The following TMEFF2 variants were observed in gnomAD, a reference collection of about 807,000 sequenced individuals.
TMEFF2 encodes transmembrane protein with EGF like and two follistatin like domains 2.
A neutral mutation model predicts 53.8 loss-of-function variants in TMEFF2; 28 were observed. That is an observed-to-expected ratio of 0.52 (90% CI 0.39 to 0.71). The LOEUF (loss-of-function observed/expected upper bound fraction) is 0.71. TMEFF2 is among the 30% of genes least tolerant of loss of function. The pLI is 0.00. For missense variants in TMEFF2, 353 were observed against 455.2 expected (o/e 0.78, Z 2.04); for synonymous variants, 162 against 166.3 (o/e 0.97, Z 0.20).
In TMEFF2 at chr2:192,057,438, T is replaced by C. The variant is rs376577064; in HGVS notation, c.536+241A>G. Among the ~76,000 whole-genome samples, 28 of 152,224 alleles carry C rather than the reference T, an allele frequency of 1.8e-4. No homozygotes were observed. In the East Asian group the frequency reaches 5.0e-3, roughly 27 times the overall value. On this transcript the variant is annotated intron_variant, in intron 5 of 9. Transcript: ENST00000272771. ...CCTCTATATCCTAACATTGACAGTTTTGGGGGGCTTCAATGATATTTTAGT... is the reference window on the plus strand; with the variant it reads ...CCTCTATATCCTAACATTGACAGTTCTGGGGGGCTTCAATGATATTTTAGT...
intron 4 of TMEFF2, among the ~76,000 whole-genome samples, chr2:192,067,678 T>C (rs560618099): frequency 1.4e-4 from 22 of 151,960 alleles, no homozygotes; most frequent in African/African-American, 5.1e-4. Flanking sequence ...TTGGTTTTGA[T>C]AACTTAAAGG....
At chr2:192,106,952 G>A (rs145729995) in intron 4 of TMEFF2, among the ~76,000 whole-genome samples, 1 of 151,736 alleles carries the variant, frequency 6.6e-6, no homozygotes, top group African/African-American at 2.4e-5. Flanking sequence ...TATAGGTGGA[G>A]TCAAAGAGTT....
At chr2:192,089,311 G>T (rs1688735549) in intron 4 of TMEFF2, among the ~76,000 whole-genome samples, 1 of 150,134 alleles carries the variant, frequency 6.7e-6, no homozygotes, top group Non-Finnish European at 1.5e-5. Context: ...AGAAGAATTA[G>T]GTAAGCAGCC....
chr2:192,100,178 G>A (rs1689002411), intron 4 of TMEFF2, among the ~76,000 whole-genome samples: 1 of 152,092 alleles, frequency 6.6e-6, no homozygotes, highest in South Asian at 2.1e-4. Context: ...AGTGCCTACA[G>A]AGACTGGTTT....
intron 4 of TMEFF2, among the ~76,000 whole-genome samples, chr2:192,091,877 G>A (rs1688797369): frequency 6.6e-6 from 1 of 152,112 alleles, no homozygotes; most frequent in Non-Finnish European, 1.5e-5. Flanking sequence ...TGACACCTAG[G>A]TGCTGAAACC....
chr2:191,950,490 A>T, intron 9 of TMEFF2, 83 bp from the exon 10 acceptor site: 1 of 1,523,414 alleles, frequency 6.6e-7, no homozygotes, highest in Non-Finnish European at 9.1e-7. Context: ...AAAGATGTGG[A>T]TTAAGCAAAT....
At chr2:191,950,585 AGTTGT>A (rs1242270855) in intron 9 of TMEFF2, 178 bp from the exon 10 acceptor site, 1 of 917,402 alleles carries the variant, frequency 1.1e-6, no homozygotes. Context: ...TTTTCTGTGC[AGTTGT>A]CTTTAAATTT....
chr2:191,966,056 A>G (rs180848175), intron 7 of TMEFF2, among the ~76,000 whole-genome samples: 69 of 152,264 alleles, frequency 4.5e-4, no homozygotes, highest in African/African-American at 1.6e-3. Flanking sequence ...TGATGAATAC[A>G]TAGTTTTTAA....
chr2:191,998,192 TAAAC>T (rs1686269362), intron 7 of TMEFF2, 66 bp downstream of exon 7: 1 of 1,247,284 alleles, frequency 8.0e-7, no homozygotes, highest in African/African-American at 1.6e-5. Flanking sequence ...GAATAAGTAG[TAAAC>T]AACCATTTCC....
chr2:192,159,901 A>T (rs62180439), intron 4 of TMEFF2, among the ~76,000 whole-genome samples: 3 of 152,104 alleles, frequency 2.0e-5, no homozygotes, highest in Admixed American at 6.5e-5. Context: ...GTCTGAACCA[A>T]GAACTTGAAC....
chr2:191,955,547 T>TTTTTTTTTTTTTTTTTC (rs1692053227), intron 8 of TMEFF2, among the ~76,000 whole-genome samples: 1 of 145,386 alleles, frequency 6.9e-6, no homozygotes, highest in Non-Finnish European at 1.5e-5. Context: ...TTTTTTTTTT[T>TTTTTTTTTTTTTTTTTC]TAGAGATAGG....
At chr2:192,128,926 G>C (rs1689743931) in intron 4 of TMEFF2, among the ~76,000 whole-genome samples, 1 of 152,188 alleles carries the variant, frequency 6.6e-6, no homozygotes, top group Non-Finnish European at 1.5e-5. Flanking sequence ...ACTCTCCAGT[G>C]TGTGGCACAT....
intron 4 of TMEFF2, among the ~76,000 whole-genome samples, chr2:192,132,874 C>T (rs1689889034): frequency 6.6e-6 from 1 of 152,126 alleles, no homozygotes; most frequent in Non-Finnish European, 1.5e-5. Flanking sequence ...TCCTTCTCGG[C>T]TTAGTGGCTG....
At chr2:192,033,831 CTAGT>C (rs1383560610) in intron 5 of TMEFF2, among the ~76,000 whole-genome samples, 1 of 152,122 alleles carries the variant, frequency 6.6e-6, no homozygotes, top group Non-Finnish European at 1.5e-5. Context: ...TGAGAATTCT[CTAGT>C]TAGTTTTTAC....
intron 4 of TMEFF2, among the ~76,000 whole-genome samples, chr2:192,071,004 C>A (rs1688282867): frequency 6.6e-6 from 1 of 151,500 alleles, no homozygotes; most frequent in Non-Finnish European, 1.5e-5. Flanking sequence ...CATGTAATTG[C>A]AAGTTGCAGA....
chr2:192,113,570 A>G (rs1689333465), intron 4 of TMEFF2, among the ~76,000 whole-genome samples: 1 of 152,196 alleles, frequency 6.6e-6, no homozygotes, highest in African/African-American at 2.4e-5. Flanking sequence ...CATATCACTT[A>G]ATCACATTAA....
At chr2:192,128,419 A>G (rs1236453871) in intron 4 of TMEFF2, among the ~76,000 whole-genome samples, 1 of 152,226 alleles carries the variant, frequency 6.6e-6, no homozygotes, top group Non-Finnish European at 1.5e-5. Context: ...TATTACAAAC[A>G]TGTCTGAAAT....
intron 4 of TMEFF2, among the ~76,000 whole-genome samples, chr2:192,071,284 A>C (rs1403959939): frequency 1.3e-5 from 2 of 151,862 alleles, no homozygotes; most frequent in African/African-American, 4.8e-5. Flanking sequence ...TGCAGTGAAC[A>C]AGTAGTGAGA....
intron 5 of TMEFF2, among the ~76,000 whole-genome samples, chr2:192,014,865 T>C (rs530799782): frequency 1.3e-5 from 2 of 152,332 alleles, no homozygotes; most frequent in Admixed American, 1.3e-4. Context: ...TATTAAATCA[T>C]GAACTACAAC....
Sources: allele counts gnomAD v4.1 joint callset (sites outside exome capture counted in the v4.1 genomes callset), GRCh38; gene constraint gnomAD v4.1.1; transcripts MANE v1.5; gene names NCBI Gene and HGNC (gene_info 2026-07-23, HGNC 2026-07-21).